The following ARHGAP26 variants were observed in gnomAD, a reference collection of about 807,000 sequenced individuals.
ARHGAP26 encodes the protein Rho GTPase activating protein 26.
A neutral mutation model predicts 104.8 loss-of-function variants in ARHGAP26; 38 were observed. That is an observed-to-expected ratio of 0.36 (90% CI 0.28 to 0.48). The LOEUF is 0.48. Among genes scored for constraint, ARHGAP26 ranks in the 20% least tolerant of loss-of-function variants. ARHGAP26 has a pLI of 0.99. For missense variants in ARHGAP26, 704 were observed against 947.9 expected (o/e 0.74, Z 3.38); for synonymous variants, 341 against 340.0 (o/e 1.00, Z -0.03).
intron 20 of ARHGAP26, among the ~76,000 whole-genome samples, chr5:143,151,384 A>G (rs1360943105): frequency 6.6e-6 from 1 of 152,238 alleles, no homozygotes; most frequent in Non-Finnish European, 1.5e-5. Flanking sequence ...AAAACCAAAC[A>G]TATTCTAAGC....
intron 11 of ARHGAP26, among the ~76,000 whole-genome samples, chr5:142,954,661 C>T (rs1768926549): frequency 1.3e-5 from 2 of 152,200 alleles, no homozygotes; most frequent in South Asian, 4.1e-4. Flanking sequence ...ATCTGGCACA[C>T]AGTAGCATGC....
At chr5:143,105,251 A>C (rs9324903) in intron 17 of ARHGAP26, among the ~76,000 whole-genome samples, 131,369 of 151,696 alleles carry the variant, frequency 0.87, 57,421 homozygotes, top group Non-Finnish European at 0.92. Context: ...GTGGCACATG[A>C]TTGTAATCCT....
intron 8 of ARHGAP26, among the ~76,000 whole-genome samples, chr5:142,904,103 CA>C (rs1213317427): frequency 6.6e-6 from 1 of 152,070 alleles, no homozygotes; most frequent in African/African-American, 2.4e-5. Context: ...AAGGCCCAAA[CA>C]ATCATGACTT....
At chr5:143,207,523 C>G in intron 21 of ARHGAP26, 1 of 1,595,350 alleles carries the variant, frequency 6.3e-7, no homozygotes, top group South Asian at 1.1e-5. Context: ...CAAAGCTGGC[C>G]AGGGACAACA....
chr5:143,073,400 G>A (rs1217965823), intron 17 of ARHGAP26, among the ~76,000 whole-genome samples: 2 of 152,134 alleles, frequency 1.3e-5, no homozygotes, highest in African/African-American at 4.8e-5. Context: ...TGATTAAGCT[G>A]GCTCAGACTG....
intron 17 of ARHGAP26, among the ~76,000 whole-genome samples, chr5:143,091,794 C>T (rs1791469634): frequency 6.6e-6 from 1 of 152,194 alleles, no homozygotes; most frequent in South Asian, 2.1e-4. Context: ...ATCCAGTTCA[C>T]GGAAAAACTG....
chr5:143,083,581 C>A (rs1562389994), intron 17 of ARHGAP26, among the ~76,000 whole-genome samples: 1 of 152,174 alleles, frequency 6.6e-6, no homozygotes, highest in Non-Finnish European at 1.5e-5. Flanking sequence ...TCAATGCAAT[C>A]TCCGCCTCCT....
intron 1 of ARHGAP26, among the ~76,000 whole-genome samples, chr5:142,797,221 C>T (rs1310909870): frequency 6.6e-6 from 1 of 152,116 alleles, no homozygotes; most frequent in Non-Finnish European, 1.5e-5. Context: ...GAGATAAATG[C>T]TAGGGTTCCT....
chr5:142,876,919 T>C (rs1240919632), intron 3 of ARHGAP26, among the ~76,000 whole-genome samples: 3 of 151,458 alleles, frequency 2.0e-5, no homozygotes, highest in Non-Finnish European at 2.9e-5. Context: ...AGGGTGGTGG[T>C]GGCAGCAGTG....
chr5:142,931,902 T>G (rs1764776878), intron 10 of ARHGAP26, 145 bp from the exon 11 acceptor site: 3 of 717,176 alleles, frequency 4.2e-6, no homozygotes, highest in Admixed American at 2.2e-5. Context: ...AGAAGGTGGC[T>G]TAGTAAAGCC....
In ARHGAP26 at chr5:142,953,857, A is replaced by T. The variant is rs3756396; in HGVS notation, c.1107+21732A>T. Among the ~76,000 whole-genome samples the T allele has an allele frequency of 2.5e-4, 38 of 152,290 alleles. No individual in the cohort carries two copies. The East Asian group carries it at 5.8e-3, about 23-fold the overall frequency. On this transcript the variant is annotated intron_variant, in intron 11 of 22. Transcript: ENST00000645722. The stretch of plus-strand genomic sequence containing the variant: ...TGAGATAGGGGCACAGAGCTGTCTC[A>T]GTTTGGCACTAAAGAGGACTTCCCA...
In ARHGAP26 at chr5:143,121,141, C is replaced by T. The variant is rs112919594; in HGVS notation, c.1692C>T (p.His564=). The T allele has an allele frequency of 6.0e-5, 97 of 1,612,176 alleles. No individual in the cohort carries two copies. In the African/African-American group the frequency reaches 9.5e-4, roughly 16 times the overall value. Residue 564 remains histidine, a synonymous_variant, in exon 18 of 23, where the codon CAC becomes CAT. Coordinates refer to ENST00000645722, the MANE Select transcript of ARHGAP26 (RefSeq NM_001135608.3). ...TCATTGAGATCCTAATAGAAAACCA[C>T]GAAAAGGTAATATGTAATTGATCAC... ...NIVIEILIEN[H]EKIFNTVPDM...
intron 1 of ARHGAP26, among the ~76,000 whole-genome samples, chr5:142,828,222 A>G (rs756809940): frequency 6.6e-6 from 1 of 152,228 alleles, no homozygotes; most frequent in Non-Finnish European, 1.5e-5. Flanking sequence ...GTTAAAAATT[A>G]CGAGTGTTGT....
chr5:142,840,086 G>A (rs992659094), intron 1 of ARHGAP26, among the ~76,000 whole-genome samples: 1 of 152,170 alleles, frequency 6.6e-6, no homozygotes, highest in Non-Finnish European at 1.5e-5. Flanking sequence ...ATGTGGGATG[G>A]GATGTATGGG....
At position 142,944,572 on chromosome 5, in the gene ARHGAP26, ATGTG is replaced by A. The variant is rs780519090; in HGVS notation, c.1107+12453_1107+12456del. On this transcript the variant is annotated intron_variant, in intron 11 of 22. Transcript: ENST00000645722. ...TTGATGAGCCTGTAGGTGTATTTAT[ATGTG>A]TGTGTATCAACCTGAGAGTGGAAAA... Among the ~76,000 whole-genome samples, 13 of 152,224 alleles carry A rather than the reference ATGTG, an allele frequency of 8.5e-5. No individual in the cohort carries two copies. In the East Asian group the frequency reaches 2.5e-3, roughly 29 times the overall value.
chr5:142,839,371 T>A (rs1445101531), intron 1 of ARHGAP26, among the ~76,000 whole-genome samples: 1 of 152,194 alleles, frequency 6.6e-6, no homozygotes, highest in Non-Finnish European at 1.5e-5. Flanking sequence ...TGAAGGTTTT[T>A]TTTTTTATTT....
chr5:142,961,246 T>G (rs1021658657), intron 11 of ARHGAP26, among the ~76,000 whole-genome samples: 1 of 152,136 alleles, frequency 6.6e-6, no homozygotes, highest in African/African-American at 2.4e-5. Context: ...ATCTCAGCAC[T>G]TTGGGAGGCT....
intron 7 of ARHGAP26, among the ~76,000 whole-genome samples, chr5:142,902,812 G>T (rs1760552056): frequency 1.3e-5 from 2 of 152,186 alleles, no homozygotes; most frequent in Non-Finnish European, 2.9e-5. Context: ...CTTAGGCCAG[G>T]TTTCTCAGAA....
chr5:143,044,007 AG>A (rs1269575199), intron 14 of ARHGAP26, among the ~76,000 whole-genome samples: 1 of 152,144 alleles, frequency 6.6e-6, no homozygotes, highest in African/African-American at 2.4e-5. Context: ...GGGACAGGAG[AG>A]TTTTAAAGCT....
Sources: gnomAD v4.1 joint callset for allele counts (sites outside exome capture counted in the v4.1 genomes callset) on GRCh38, gnomAD v4.1.1 for gene constraint, MANE v1.5 for transcripts, NCBI Gene and HGNC (gene_info 2026-07-23, HGNC 2026-07-21) for gene names.